STARD13: variants seen among roughly 807,000 people sequenced by gnomAD.
The protein encoded by STARD13 is stAR-related lipid transfer protein 13.
A neutral mutation model predicts 106.4 loss-of-function variants in STARD13; 62 were observed. The ratio of observed to expected loss-of-function variants is 0.58; its 90% CI spans 0.48 to 0.72. STARD13 has a LOEUF of 0.72. Ranked by LOEUF, STARD13 falls within the 30% of genes least tolerant of loss-of-function variation. STARD13 has a pLI of 0.00. For missense variants in STARD13, 1,387 were observed against 1,424.0 expected (o/e 0.97, Z 0.42); for synonymous variants, 565 against 553.0 (o/e 1.02, Z -0.31).
At chr13:33,447,814 T>C in the STARD13 span, among the ~76,000 whole-genome samples, 15 of 152,066 alleles carry the variant, frequency 9.9e-5, no homozygotes, top group Non-Finnish European at 1.9e-4. Context: ...TCCAACAAAT[T>C]TTATCCTCAG....
the STARD13 span, among the ~76,000 whole-genome samples, chr13:33,425,935 C>T: frequency 1.3e-5 from 2 of 152,150 alleles, no homozygotes; most frequent in Non-Finnish European, 2.9e-5. Context: ...GTTGTTTTTA[C>T]TGTGTCCAAA....
intron 1 of STARD13, among the ~76,000 whole-genome samples, chr13:33,171,353 C>T (rs1331637602): frequency 2.6e-5 from 4 of 152,216 alleles, no homozygotes; most frequent in Non-Finnish European, 5.9e-5. Context: ...ACGGAGGTTA[C>T]TGTGCTGCTT....
At chr13:33,627,522 A>T in the STARD13 span, among the ~76,000 whole-genome samples, 1 of 152,082 alleles carries the variant, frequency 6.6e-6, no homozygotes, top group Non-Finnish European at 1.5e-5. Flanking sequence ...CTGTAAGTCC[A>T]GCTACTCAGG....
chr13:33,534,384 T>C, the STARD13 span, among the ~76,000 whole-genome samples: 5 of 152,220 alleles, frequency 3.3e-5, no homozygotes, highest in African/African-American at 1.2e-4. Flanking sequence ...AGTTTAAGAA[T>C]GTTATGCACC....
the STARD13 span, among the ~76,000 whole-genome samples, chr13:33,409,485 A>G: frequency 6.6e-6 from 1 of 152,368 alleles, no homozygotes; most frequent in Non-Finnish European, 1.5e-5. Context: ...TTAAGTTACT[A>G]AATGAGATAG....
At chr13:33,171,831 G>A (rs1298906840) in intron 1 of STARD13, among the ~76,000 whole-genome samples, 1 of 152,198 alleles carries the variant, frequency 6.6e-6, no homozygotes, top group Non-Finnish European at 1.5e-5. Flanking sequence ...TTCCACTTAA[G>A]GCAAAGTCAC....
the STARD13 span, among the ~76,000 whole-genome samples, chr13:33,451,960 A>T: frequency 6.6e-6 from 1 of 152,220 alleles, no homozygotes; most frequent in African/African-American, 2.4e-5. Flanking sequence ...ATTAGAATAA[A>T]ATAAATTAAG....
At chr13:33,258,858 C>G (rs972407082) in intron 1 of STARD13, among the ~76,000 whole-genome samples, 1 of 152,212 alleles carries the variant, frequency 6.6e-6, no homozygotes, top group African/African-American at 2.4e-5. Context: ...TCTCACTGTG[C>G]TTGACTACAG....
At chr13:33,126,694 A>C (rs1434675987) in intron 6 of STARD13, among the ~76,000 whole-genome samples, 2 of 152,254 alleles carry the variant, frequency 1.3e-5, no homozygotes, top group Non-Finnish European at 2.9e-5. Context: ...TAGTTTTCAA[A>C]GGACATTTTA....
chr13:33,628,669 G>T, the STARD13 span, among the ~76,000 whole-genome samples: 1 of 152,266 alleles, frequency 6.6e-6, no homozygotes, highest in South Asian at 2.1e-4. Flanking sequence ...ACTCTAACAG[G>T]CACCTGAACC....
At chr13:33,225,451 A>C (rs1888574585) in intron 1 of STARD13, among the ~76,000 whole-genome samples, 1 of 152,210 alleles carries the variant, frequency 6.6e-6, no homozygotes, top group Non-Finnish European at 1.5e-5. Context: ...CTAGAAACAA[A>C]GCTTGTTAGG....
In STARD13 at chr13:33,285,535, C is replaced by T. The variant is rs753058172; in HGVS notation, c.104G>A (p.Arg35Lys). Reference sequence around the variant, plus strand: ...CCGGCTCATCCTGTAAGGAGAGCGTCTTGTAGTCTGATCAAATCGCAAGTA... The same window carrying T: ...CCGGCTCATCCTGTAAGGAGAGCGTTTTGTAGTCTGATCAAATCGCAAGTA... ...EMYLRFDQTT[R>K]RSPYRMSRIL... The change falls in exon 1 of 14, where the codon AGA becomes AAA. Residue 35 changes from arginine to lysine, a missense_variant. Coordinates refer to ENST00000336934, the MANE Select transcript of STARD13 (RefSeq NM_178006.4). 11 of 1,613,926 alleles carry T rather than the reference C, an allele frequency of 6.8e-6. No homozygotes were observed. Among genetic ancestry groups the T allele is most frequent in the Admixed American group, 3.3e-5 (2 of 59,988 alleles).
At chr13:33,313,631 T>G (rs1438028523) in intron 1 of STARD13, among the ~76,000 whole-genome samples, 1 of 152,132 alleles carries the variant, frequency 6.6e-6, no homozygotes, top group Non-Finnish European at 1.5e-5. Flanking sequence ...CAAGCTGATG[T>G]TTTTCAGCTG....
chr13:33,302,905 C>A (rs1009559752), intron 1 of STARD13, among the ~76,000 whole-genome samples: 1 of 152,216 alleles, frequency 6.6e-6, no homozygotes, highest in Non-Finnish European at 1.5e-5. Flanking sequence ...ATATCAAGAG[C>A]TTCCCCCACT....
the STARD13 span, among the ~76,000 whole-genome samples, chr13:33,471,637 T>G: frequency 6.6e-6 from 1 of 151,806 alleles, no homozygotes; most frequent in South Asian, 2.1e-4. Flanking sequence ...CCCCCTGTTT[T>G]TTTTTTTTTT....
the STARD13 span, among the ~76,000 whole-genome samples, chr13:33,489,552 T>C: frequency 6.6e-6 from 1 of 152,234 alleles, no homozygotes; most frequent in Admixed American, 6.5e-5. Context: ...AATCAACTAA[T>C]AAAAAACAGG....
the STARD13 span, among the ~76,000 whole-genome samples, chr13:33,619,713 A>G: frequency 1.3e-5 from 2 of 152,204 alleles, no homozygotes; most frequent in East Asian, 1.9e-4. Flanking sequence ...CAAATGTAAA[A>G]CTAATCAATA....
the STARD13 span, among the ~76,000 whole-genome samples, chr13:33,643,159 G>GCGCACA: frequency 7.2e-6 from 1 of 139,714 alleles, no homozygotes; most frequent in Non-Finnish European, 1.6e-5. Context: ...CATAGAACAT[G>GCGCACA]CACACACACA....
chr13:33,553,991 A>G, the STARD13 span, among the ~76,000 whole-genome samples: 1 of 152,098 alleles, frequency 6.6e-6, no homozygotes, highest in Non-Finnish European at 1.5e-5. Flanking sequence ...TTTTTAACAT[A>G]TTCATTATAT....
Sources: gnomAD v4.1 joint callset for allele counts (sites outside exome capture counted in the v4.1 genomes callset) on GRCh38, gnomAD v4.1.1 for gene constraint, MANE v1.5 for transcripts, NCBI Gene and HGNC (gene_info 2026-07-23, HGNC 2026-07-21) for gene names.